Variants in TMEM164 observed in about 807,000 individuals in gnomAD.
TMEM164 encodes RP13-360B22.2.
In TMEM164, 4 loss-of-function variants were observed where a neutral mutation model predicts 18.8. The ratio of observed to expected loss-of-function variants is 0.21; its 90% CI spans 0.10 to 0.49. The LOEUF (loss-of-function observed/expected upper bound fraction) is 0.49, where lower values mean the gene tolerates loss of function less well. Among genes scored for constraint, TMEM164 ranks in the 20% least tolerant of loss-of-function variants. The pLI is 0.98. For synonymous variants in TMEM164, 86 were observed against 101.7 expected, an observed-to-expected ratio of 0.85 and a Z score of 0.93; for missense variants, 108 against 239.9, an observed-to-expected ratio of 0.45 and a Z score of 3.63.
At chrX:110,062,441 AG>A (rs1197439842) in intron 2 of TMEM164, among the ~76,000 whole-genome samples, 3 of 112,025 alleles carry the variant, frequency 2.7e-5, no homozygotes, top group Non-Finnish European at 3.8e-5. Flanking sequence ...AGCAGAAAAC[AG>A]ATCCTTGTAT....
intron 5 of TMEM164, among the ~76,000 whole-genome samples, chrX:110,154,966 A>G (rs756930460): frequency 7.1e-5 from 8 of 112,023 alleles, no homozygotes; most frequent in Non-Finnish European, 1.3e-4. Context: ...TGATACATGA[A>G]GAGTATACAG....
rs12689150 is a variant in TMEM164 at position 110,170,975 on chromosome X, C to T, written c.587-445C>T. Among the ~76,000 whole-genome samples, 272 of 111,944 alleles carry T rather than the reference C, an allele frequency of 2.4e-3. 8 individuals carry two copies. In the East Asian group the frequency reaches 0.042, roughly 17 times the overall value. ...TAACTTCATAGTTAACATTCTCAAC[C>T]ACTACACCATACTTCCTCAATGACA... On this transcript the variant is annotated intron_variant, in intron 5 of 6. Coordinates refer to ENST00000372068, the MANE Select transcript of TMEM164 (RefSeq NM_032227.4).
chrX:110,140,644 G>T (rs1284851914), intron 4 of TMEM164, among the ~76,000 whole-genome samples: 1 of 112,083 alleles, frequency 8.9e-6, no homozygotes, highest in Non-Finnish European at 1.9e-5. Context: ...TACCACTCTG[G>T]TCTTTTGATT....
intron 2 of TMEM164, among the ~76,000 whole-genome samples, chrX:110,027,161 C>T (rs1297000681): frequency 9.0e-6 from 1 of 111,231 alleles, no homozygotes; most frequent in Non-Finnish European, 1.9e-5. Flanking sequence ...AAGTATGATC[C>T]TTACTATAAT....
chrX:110,074,819 A>G (rs2065647713), intron 3 of TMEM164, among the ~76,000 whole-genome samples: 1 of 111,276 alleles, frequency 9.0e-6, no homozygotes, highest in South Asian at 3.7e-4. Context: ...TAGTCTTTGT[A>G]TCTGTTTTTG....
intron 3 of TMEM164, among the ~76,000 whole-genome samples, chrX:110,068,476 A>G (rs776918925): frequency 1.8e-5 from 2 of 112,482 alleles, no homozygotes; most frequent in African/African-American, 6.4e-5. Context: ...CTATTTCATT[A>G]TGAAAGTAAC....
chrX:110,093,280 G>A (rs55634509), intron 3 of TMEM164, among the ~76,000 whole-genome samples: 2,465 of 111,725 alleles, frequency 0.022, 68 homozygotes, highest in African/African-American at 0.076. Flanking sequence ...GCCCCTCTTT[G>A]TACCTCTGGT....
intron 2 of TMEM164, among the ~76,000 whole-genome samples, chrX:110,025,853 C>T (rs1019157643): frequency 5.3e-5 from 6 of 112,295 alleles, no homozygotes; most frequent in Non-Finnish European, 1.1e-4. Context: ...TGTATTTCTT[C>T]TCTTCTTCTG....
chrX:110,022,310 T>C (rs1173780693), intron 2 of TMEM164, among the ~76,000 whole-genome samples: 1 of 111,227 alleles, frequency 9.0e-6, no homozygotes, highest in East Asian at 2.8e-4. Context: ...TCCCATAGCC[T>C]GCTAGTTAGT....
At chrX:110,028,877 G>A in intron 2 of TMEM164, among the ~76,000 whole-genome samples, 2 of 111,962 alleles carry the variant, frequency 1.8e-5, no homozygotes, top group Middle Eastern at 9.3e-3. Flanking sequence ...CACCACAGAG[G>A]TAGATTTGTC....
At chrX:110,043,048 T>C (rs1369692504) in intron 2 of TMEM164, among the ~76,000 whole-genome samples, 1 of 112,445 alleles carries the variant, frequency 8.9e-6, no homozygotes, top group Non-Finnish European at 1.9e-5. Flanking sequence ...ATTTCCATGG[T>C]CAATTCCAAG....
chrX:110,097,965 A>G (rs1230340277), intron 3 of TMEM164, among the ~76,000 whole-genome samples: 4 of 111,907 alleles, frequency 3.6e-5, no homozygotes, highest in Non-Finnish European at 5.6e-5. Context: ...AAGTTCTATG[A>G]ATCTTAAGAC....
chrX:110,145,941 C>T (rs755894689), intron 5 of TMEM164, among the ~76,000 whole-genome samples: 1 of 112,268 alleles, frequency 8.9e-6, no homozygotes, highest in Non-Finnish European at 1.9e-5. Flanking sequence ...GTTCTCCATA[C>T]TTGCCTAAAT....
Position 110,082,206 on chromosome X carries a change from C to T in TMEM164, c.440+14810C>T, listed in dbSNP as rs182578558. 5.8e-3 allele frequency: 653 copies of T among 113,554 alleles called. 1 individual carries two copies. The highest frequency in any genetic ancestry group is 0.021 in the Middle Eastern group (30 of 1,439). The allele number at this position is 113,554 out of a possible 1,213,427, so 9.4% of individuals were successfully genotyped here. A position where few individuals can be genotyped will look rare whatever the true frequency, so the allele number is the denominator to read the frequency against. Reference sequence around the variant, plus strand: ...CCACTACCACAGCAACCTTGGGCATCGTTTTCTTTTGATCTCTAGTATCTC... The same window carrying T: ...CCACTACCACAGCAACCTTGGGCATTGTTTTCTTTTGATCTCTAGTATCTC... On this transcript the variant is annotated intron_variant, in intron 3 of 6. Coordinates refer to ENST00000372068, the MANE Select transcript of TMEM164 (RefSeq NM_032227.4).
intron 5 of TMEM164, among the ~76,000 whole-genome samples, chrX:110,154,656 G>A (rs2066991630): frequency 8.9e-6 from 1 of 111,956 alleles, no homozygotes; most frequent in South Asian, 3.7e-4. Context: ...CTGGCCTCAA[G>A]TGATCCGCCT....
intron 3 of TMEM164, among the ~76,000 whole-genome samples, chrX:110,087,177 G>A (rs896699780): frequency 3.8e-4 from 43 of 111,895 alleles, no homozygotes; most frequent in African/African-American, 1.4e-3. Flanking sequence ...TAGCATTTTA[G>A]TTATTAACCA....
chrX:110,105,621 A>G (rs1330372441), intron 3 of TMEM164, among the ~76,000 whole-genome samples: 1 of 106,521 alleles, frequency 9.4e-6, no homozygotes, highest in Non-Finnish European at 1.9e-5. Context: ...CCCCATTGGC[A>G]CGCAAGAACT....
intron 2 of TMEM164, among the ~76,000 whole-genome samples, chrX:110,038,190 A>G (rs909854410): frequency 2.7e-5 from 3 of 109,493 alleles, no homozygotes; most frequent in Non-Finnish European, 3.8e-5. Context: ...ACGGGGTTTC[A>G]CCGTTTTAGC....
chrX:110,079,373 C>A (rs1278688311), intron 3 of TMEM164, among the ~76,000 whole-genome samples: 1 of 112,082 alleles, frequency 8.9e-6, no homozygotes, highest in East Asian at 2.8e-4. Context: ...TGTTGAGCAT[C>A]CCCAAAACCT....
Sources: gnomAD v4.1 joint callset for allele counts (sites outside exome capture counted in the v4.1 genomes callset) on GRCh38, gnomAD v4.1.1 for gene constraint, MANE v1.5 for transcripts, NCBI Gene and HGNC (gene_info 2026-07-23, HGNC 2026-07-21) for gene names.